VPS16: variants seen among roughly 807,000 people sequenced by gnomAD.
The protein encoded by VPS16 is VPS16 core subunit of CORVET and HOPS complexes, also known as vacuolar protein sorting-associated protein 16 homolog.
Under a neutral mutation model 116.0 loss-of-function variants are expected in VPS16, and 82 were observed. The observed-to-expected ratio is 0.71, with a 90% confidence interval of 0.59 to 0.85. The LOEUF (loss-of-function observed/expected upper bound fraction) is 0.85, where lower values mean the gene tolerates loss of function less well. Among genes scored for constraint, VPS16 ranks in the 40% least tolerant of loss-of-function variants. VPS16 has a pLI of 0.00. For synonymous variants in VPS16, 406 were observed against 420.7 expected (o/e 0.96, Z 0.43); for missense variants, 928 against 1,090.6 (o/e 0.85, Z 2.10).
At chr20:2,859,671 CGG>C in intron 1 of VPS16, 46 bp from the exon 2 acceptor site, 5 of 1,592,250 alleles carry the variant, frequency 3.1e-6, no homozygotes, top group Non-Finnish European at 4.3e-6. Context: ...TCACTCCATA[CGG>C]ATGCAGGGTA....
In VPS16 at chr20:2,863,812, A is replaced by G; in HGVS notation, c.1477-137A>G. On this transcript the variant is annotated intron_variant, in intron 15 of 23. Transcript: ENST00000380445. This position sits in a 1 kb window ranked among gnomAD's most constrained non-coding sequence, Gnocchi z 4.4. ...GCGGAGGAGGAGGGAAAGAGAGAGA[A>G]AGAAGAAAGAGAGAAAGAAAGAAAG... The G allele has an allele frequency of 8.1e-7, 1 of 1,227,042 alleles. No homozygotes were observed. The allele number at this position is 1,227,042 out of a possible 1,614,324, so 76.0% of individuals were successfully genotyped here.
intron 1 of VPS16, among the ~76,000 whole-genome samples, chr20:2,856,213 A>T (rs954952139): frequency 6.6e-6 from 1 of 152,116 alleles, no homozygotes; most frequent in Non-Finnish European, 1.5e-5. Flanking sequence ...AGAGAGAGAG[A>T]CGATCGGGGA....
intron 1 of VPS16, among the ~76,000 whole-genome samples, chr20:2,846,902 G>A (rs575319432): frequency 2.6e-5 from 4 of 152,162 alleles, no homozygotes; most frequent in Non-Finnish European, 5.9e-5. Context: ...TATTCGATTC[G>A]ATTCCAAGGT....
chr20:2,864,543 C>T lies in VPS16; in HGVS notation c.1819-4C>T, dbSNP rs747659805. The T allele has an allele frequency of 1.9e-6, 3 of 1,614,100 alleles. No individual in the cohort carries two copies. Among genetic ancestry groups the T allele is most frequent in the African/African-American group, 1.3e-5 (1 of 75,004 alleles). ...GCTGACTGATTGCCTGCCTGTGGCC[C>T]CAGTTCTGTAAGCATCAGGAGCTAG... On this transcript the variant is annotated splice_region_variant and splice_polypyrimidine_tract_variant and intron_variant, in intron 18 of 23. Coordinates refer to ENST00000380445, the MANE Select transcript of VPS16 (RefSeq NM_022575.4). This position sits in a 1 kb window ranked among gnomAD's most constrained non-coding sequence, Gnocchi z 5.2.
At position 2,866,682 on chromosome 20, in the gene VPS16, G is replaced by T; in HGVS notation, c.*108G>T. On this transcript the variant is annotated 3_prime_UTR_variant, in exon 24 of 24. Transcript: ENST00000380445. The stretch of plus-strand genomic sequence containing the variant: ...CTCCCCTAGAGCAATGCTGAGGAGC[G>T]GGGGCATGGTAGCAGGGCTGTCTGG... The T allele has an allele frequency of 6.7e-7, 1 of 1,490,256 alleles. No individual in the cohort carries two copies. Among genetic ancestry groups the T allele is most frequent in the Non-Finnish European group, 9.1e-7 (1 of 1,098,320 alleles). 92.3% of individuals were successfully genotyped at this position (1,490,256 alleles called of 1,614,324 possible). A position where few individuals can be genotyped will look rare whatever the true frequency, so the allele number is the denominator to read the frequency against.
chr20:2,843,647 T>TTGAAGATA (rs1444045910), intron 1 of VPS16, among the ~76,000 whole-genome samples: 2 of 152,204 alleles, frequency 1.3e-5, no homozygotes, highest in Non-Finnish European at 2.9e-5. Context: ...TTGTATTATT[T>TTGAAGATA]TGAAGATACC....
intron 1 of VPS16, among the ~76,000 whole-genome samples, chr20:2,842,895 T>TGTATCTATCG (rs2089020085): frequency 7.4e-6 from 1 of 135,884 alleles, no homozygotes; most frequent in Admixed American, 7.3e-5. Flanking sequence ...TATCGATAGA[T>TGTATCTATCG]AGATAGATAT....
Position 2,865,100 on chromosome 20 carries a change from C to T in VPS16, c.2004+45C>T, listed in dbSNP as rs763445134. 3 of 1,614,038 alleles carry T rather than the reference C, an allele frequency of 1.9e-6. No homozygotes were observed. Among genetic ancestry groups the T allele is most frequent in the African/African-American group, 1.3e-5 (1 of 74,908 alleles). On this transcript the variant is annotated intron_variant, in intron 20 of 23. Transcript: ENST00000380445. This position sits in a 1 kb window ranked among gnomAD's most constrained non-coding sequence, Gnocchi z 5.2. ...AAGAGCCTCCTCGTCTCCTGGTCTT[C>T]CCTCCTGGTCCCTCATCCCCATCAT...
intron 8 of VPS16, 118 bp from the exon 9 acceptor site, chr20:2,861,497 G>A: frequency 1.5e-6 from 2 of 1,378,208 alleles, no homozygotes; most frequent in African/African-American, 2.9e-5. Context: ...GGAGAGGTCA[G>A]TGTACAGTCA....
Position 2,862,121 on chromosome 20 carries a change from G to A in VPS16, c.1062G>A (p.Lys354=). The change falls in exon 11 of 24, where the codon AAG becomes AAA. Residue 354 remains lysine (K), a synonymous_variant. Coordinates refer to ENST00000380445, the MANE Select transcript of VPS16 (RefSeq NM_022575.4). ...APGALLLEAQ[K]EYEKESQKAD... ...GGGCGCTGCTCCTGGAGGCTCAGAA[G>A]GAGTATGAGGTAAAGCCCTGGGCTT... is the stretch of plus-strand genomic sequence containing the variant. The A allele has an allele frequency of 6.2e-7, 1 of 1,613,652 alleles. No homozygotes were observed. Among genetic ancestry groups the A allele is most frequent in the Non-Finnish European group, 8.5e-7 (1 of 1,179,852 alleles).
chr20:2,846,578 A>G (rs1211005584), intron 1 of VPS16, among the ~76,000 whole-genome samples: 2 of 152,218 alleles, frequency 1.3e-5, no homozygotes, highest in African/African-American at 2.4e-5. Context: ...TTTTTGAGAC[A>G]GGCTGGAAAC....
rs543808968 is a variant in VPS16 at position 2,843,436 on chromosome 20, A to G, written c.53+2609A>G. The stretch of plus-strand genomic sequence containing the variant: ...AACAGAGCAAGACTCCATCTTGGGG[A>G]AAAAAAAAAAAGAAAAGAAATATGC... On this transcript the variant is annotated intron_variant, in intron 1 of 23. Coordinates refer to ENST00000380445, the MANE Select transcript of VPS16 (RefSeq NM_022575.4). Among the ~76,000 whole-genome samples the G allele has an allele frequency of 5.5e-3, 801 of 144,884 alleles. 9 individuals are homozygous for G. Among genetic ancestry groups the G allele is most frequent in the Middle Eastern group, 0.019 (5 of 270 alleles).
intron 1 of VPS16, among the ~76,000 whole-genome samples, chr20:2,854,436 A>C (rs897719007): frequency 2.0e-5 from 3 of 151,992 alleles, no homozygotes; most frequent in Non-Finnish European, 4.4e-5. Flanking sequence ...CTTTCTAAAA[A>C]CAAAACAAAA....
rs749973080 is a variant in VPS16 at position 2,865,113 on chromosome 20, T to C, written c.2005-35T>C. The C allele has an allele frequency of 1.9e-6, 3 of 1,614,140 alleles. No individual in the cohort carries two copies. In the South Asian group the frequency reaches 3.3e-5, roughly 18 times the overall value. The stretch of plus-strand genomic sequence containing the variant: ...TCTCCTGGTCTTCCCTCCTGGTCCC[T>C]CATCCCCATCATGCCTCATTATCCG... On this transcript the variant is annotated intron_variant, in intron 20 of 23. Coordinates refer to ENST00000380445, the MANE Select transcript of VPS16 (RefSeq NM_022575.4). The surrounding 1 kb of genome is among the most constrained non-coding windows in gnomAD (Gnocchi z 5.2).
At chr20:2,848,114 A>G (rs1219121945) in intron 1 of VPS16, among the ~76,000 whole-genome samples, 1 of 152,214 alleles carries the variant, frequency 6.6e-6, no homozygotes, top group Non-Finnish European at 1.5e-5. Flanking sequence ...CATGAGGTTC[A>G]CGTAGCAGGC....
rs1371062886 is a variant in VPS16, at chr20:2,862,943, G to A, written c.1331+9G>A. The A allele has an allele frequency of 6.2e-7, 1 of 1,613,674 alleles. No individual in the cohort carries two copies. Among genetic ancestry groups the A allele is most frequent in the South Asian group, 1.1e-5 (1 of 91,090 alleles). Reference sequence around the variant, plus strand: ...CCGCTCACCTATAGCCAGTATCCCTGTGCACGCCAGAAGGGTACCCTACAG... The same window carrying A: ...CCGCTCACCTATAGCCAGTATCCCTATGCACGCCAGAAGGGTACCCTACAG... On this transcript the variant is annotated intron_variant, in intron 13 of 23. Transcript: ENST00000380445.
At chr20:2,858,126 A>C (rs1364228091) in intron 1 of VPS16, among the ~76,000 whole-genome samples, 1 of 141,980 alleles carries the variant, frequency 7.0e-6, no homozygotes, top group Non-Finnish European at 1.5e-5. Context: ...ACAGGGTCTC[A>C]CTTTGTCACC....
At position 2,860,544 on chromosome 20, in the gene VPS16, C is replaced by T. The variant is rs1430769348; in HGVS notation, c.465C>T (p.Leu155=). Residue 155 remains leucine (L), a synonymous_variant, in exon 5 of 24, where the codon CTC becomes CTT. Coordinates refer to ENST00000380445, the MANE Select transcript of VPS16 (RefSeq NM_022575.4). This position sits in a 1 kb window ranked among gnomAD's most constrained non-coding sequence, Gnocchi z 6.1. ...AILTGAHRFT[L]SANVGDLKLR... ...TCACAGGGGCCCACCGCTTCACCCTCAGTGCCAATGTGGGTGACCTCAAAC... is the reference window on the plus strand; with the variant it reads ...TCACAGGGGCCCACCGCTTCACCCTTAGTGCCAATGTGGGTGACCTCAAAC... The T allele has an allele frequency of 3.1e-6, 5 of 1,613,858 alleles. No individual in the cohort carries two copies. The highest frequency in any genetic ancestry group is 1.3e-5 in the African/African-American group (1 of 74,902).
rs768910265 is a variant in VPS16 at position 2,862,091 on chromosome 20, C to T, written c.1032C>T (p.Ala344=). ...SEEIFKIASM[A]PGALLLEAQK... is the part of the protein sequence containing the mutation. The stretch of plus-strand genomic sequence containing the variant: ...AAATCTTCAAAATTGCCTCAATGGC[C>T]CCCGGGGCGCTGCTCCTGGAGGCTC... The change falls in exon 11 of 24, where the codon GCC becomes GCT. Residue 344 remains alanine, a synonymous_variant. Transcript: ENST00000380445. 2.5e-6 allele frequency: 4 copies of T among 1,613,810 alleles called. No homozygotes were observed. The highest frequency in any genetic ancestry group is 1.1e-5 in the South Asian group (1 of 90,944).
Sources: allele counts gnomAD v4.1 joint callset (sites outside exome capture counted in the v4.1 genomes callset), GRCh38; gene constraint gnomAD v4.1.1; non-coding constraint Gnocchi (gnomAD v3.1); transcripts MANE v1.5; gene names NCBI Gene and HGNC (gene_info 2026-07-23, HGNC 2026-07-21).